The following SPRED2 variants were observed in gnomAD, a reference collection of about 807,000 sequenced individuals.
SPRED2 encodes the protein sprouty-related, EVH1 domain-containing protein 2.
Under a neutral mutation model 43.0 loss-of-function variants are expected in SPRED2, and 47 were observed. The ratio of observed to expected loss-of-function variants is 1.09; its 90% CI spans 0.87 to 1.40. The LOEUF (loss-of-function observed/expected upper bound fraction) is 1.40. Ranked by LOEUF, SPRED2 falls within the 40% of genes most tolerant of loss-of-function variation. The pLI, the probability that SPRED2 is intolerant of heterozygous loss-of-function variation, is 0.00. For missense variants in SPRED2, 561 were observed against 586.4 expected (o/e 0.96, Z 0.45); for synonymous variants, 225 against 225.7 (o/e 1.00, Z 0.03).
chr2:65,378,086 A>C (rs2118305), intron 1 of SPRED2: 52,455 of 185,026 alleles, frequency 0.28, 9,215 homozygotes, highest in East Asian at 0.69. Context: ...AGCTGAGCCA[A>C]ATTCCATTGA....
rs570248863 is a variant in SPRED2, at chr2:65,312,025, G to A, written c.*1476C>T. The A allele has an allele frequency of 3.5e-5, 34 of 985,406 alleles. No homozygotes were observed. The highest frequency in any genetic ancestry group is 6.1e-5 in the Admixed American group (1 of 16,288). The allele number at this position is 985,406 out of a possible 1,614,324, so 61.0% of individuals were successfully genotyped here. On this transcript the variant is annotated 3_prime_UTR_variant, in exon 6 of 6. Transcript: ENST00000356388. ...AGCCGGCGTCCGCAAGCCTGTCCCC[G>A]GTGGTCTCCACGAGGTTCTGATTGT...
chr2:65,330,029 G>A (rs1039767), intron 4 of SPRED2, among the ~76,000 whole-genome samples: 20,159 of 152,084 alleles, frequency 0.13, 1,633 homozygotes, highest in Middle Eastern at 0.22. Context: ...CTTGAACCCC[G>A]TTCAAATGCA....
At chr2:65,362,308 C>T (rs185482329) in intron 1 of SPRED2, among the ~76,000 whole-genome samples, 31 of 152,046 alleles carry the variant, frequency 2.0e-4, no homozygotes, top group African/African-American at 6.0e-4. Context: ...CTCACTCTGT[C>T]GCCCAGGCTG....
intron 1 of SPRED2, among the ~76,000 whole-genome samples, chr2:65,412,950 G>A (rs559541249): frequency 6.6e-6 from 1 of 152,220 alleles, no homozygotes; most frequent in African/African-American, 2.4e-5. Context: ...GACCTATTAT[G>A]GTTACAATTT....
intron 1 of SPRED2, among the ~76,000 whole-genome samples, chr2:65,356,532 CCCTCTTTTTTTTTT>C (rs1674653991): frequency 3.8e-5 from 2 of 52,484 alleles, no homozygotes; most frequent in Non-Finnish European, 8.2e-5. Flanking sequence ...TTCCCCAGTT[CCCTCTTTTTTTTTT>C]TTTTTTTTTT....
intron 1 of SPRED2, among the ~76,000 whole-genome samples, chr2:65,400,273 C>T (rs1295417781): frequency 1.3e-5 from 2 of 152,094 alleles, no homozygotes; most frequent in Non-Finnish European, 2.9e-5. Flanking sequence ...CTGGAATAGT[C>T]CATGGTTATA....
At chr2:65,369,691 G>T (rs1252727775) in intron 1 of SPRED2, among the ~76,000 whole-genome samples, 1 of 5,736 alleles carries the variant, frequency 1.7e-4, no homozygotes, top group Non-Finnish European at 3.8e-4. Context: ...TTAGAGGTAG[G>T]GAAACAGCAG....
chr2:65,379,961 G>A (rs1247873198), intron 1 of SPRED2, among the ~76,000 whole-genome samples: 1 of 152,204 alleles, frequency 6.6e-6, no homozygotes, highest in Non-Finnish European at 1.5e-5. Context: ...GCTGGGTGTT[G>A]CTTTCCAGCT....
At chr2:65,415,843 G>A (rs1395037451) in intron 1 of SPRED2, among the ~76,000 whole-genome samples, 1 of 151,968 alleles carries the variant, frequency 6.6e-6, no homozygotes, top group African/African-American at 2.4e-5. Context: ...TGCCTCCCTG[G>A]GAGGTTATTG....
At chr2:65,375,300 C>T (rs1047145819) in intron 1 of SPRED2, among the ~76,000 whole-genome samples, 2 of 152,238 alleles carry the variant, frequency 1.3e-5, no homozygotes, top group Non-Finnish European at 1.5e-5. Context: ...GAGGAAGAGG[C>T]GAAGGCTTGT....
rs1306616109 is a variant in SPRED2, at chr2:65,360,605, G to A, written c.27-15709C>T. Reference sequence around the variant, plus strand: ...TGCATGATTTGTTCCGCTTACACCAGCTATCTAAATGTGACTAGTCAAAGT... The same window carrying A: ...TGCATGATTTGTTCCGCTTACACCAACTATCTAAATGTGACTAGTCAAAGT... On this transcript the variant is annotated intron_variant, in intron 1 of 5. Transcript: ENST00000356388. 2.6e-5 allele frequency among the ~76,000 whole-genome samples: 4 copies of A among 152,184 alleles called. 1 individual carries two copies. In the South Asian group the frequency reaches 8.3e-4, roughly 32 times the overall value.
intron 1 of SPRED2, among the ~76,000 whole-genome samples, chr2:65,369,964 C>G (rs900395266): frequency 6.6e-6 from 1 of 152,238 alleles, no homozygotes; most frequent in Non-Finnish European, 1.5e-5. Flanking sequence ...AGAAGCAAAA[C>G]TAGCTGTAAC....
At chr2:65,339,852 G>C (rs1002549710) in intron 2 of SPRED2, among the ~76,000 whole-genome samples, 1 of 151,810 alleles carries the variant, frequency 6.6e-6, no homozygotes, top group Non-Finnish European at 1.5e-5. Context: ...TATCAAAGAA[G>C]AATATCTACA....
intron 1 of SPRED2, among the ~76,000 whole-genome samples, chr2:65,376,515 G>A (rs908932235): frequency 4.6e-5 from 7 of 152,124 alleles, no homozygotes; most frequent in Middle Eastern, 3.4e-3. Context: ...ATACAAAGGC[G>A]TACTCCCACC....
chr2:65,376,084 T>A (rs1675230022), intron 1 of SPRED2, among the ~76,000 whole-genome samples: 1 of 152,186 alleles, frequency 6.6e-6, no homozygotes, highest in Non-Finnish European at 1.5e-5. Context: ...TTGTGCTCCC[T>A]ATCCTCCCAC....
chr2:65,361,392 C>T (rs1674810787), intron 1 of SPRED2, among the ~76,000 whole-genome samples: 1 of 152,182 alleles, frequency 6.6e-6, no homozygotes, highest in Admixed American at 6.5e-5. Context: ...AAAATCATTT[C>T]AAAGAAGAAC....
intron 3 of SPRED2, chr2:65,334,244 C>A (rs567214560): frequency 2.7e-5 from 13 of 474,128 alleles, no homozygotes; most frequent in Non-Finnish European, 4.4e-5. Context: ...CTTCTGGGCC[C>A]GCCAGAATCC....
rs1439543638 is a variant in SPRED2, at chr2:65,313,505, G to A, written c.1253C>T (p.Ala418Val). The change falls in exon 6 of 6, where the codon GCG (alanine) becomes GTG (valine). Residue 418 changes from alanine (A) to valine (V), a missense_variant. Coordinates refer to ENST00000356388, the MANE Select transcript of SPRED2 (RefSeq NM_181784.3). ...RCCGGKHKAAA is the reference protein window; with the variant it reads ...RCCGGKHKAAV ...GGAGAAGGGAGGGAAACTGAGTCAC[G>A]CGGCCGCTTTGTGCTTCCCGCCACA... 12 of 1,598,424 alleles carry A rather than the reference G, an allele frequency of 7.5e-6. No individual in the cohort carries two copies. The highest frequency in any genetic ancestry group is 3.4e-5 in the South Asian group (3 of 88,290).
intron 1 of SPRED2, among the ~76,000 whole-genome samples, chr2:65,379,181 A>G (rs1675312948): frequency 6.6e-6 from 1 of 152,168 alleles, no homozygotes; most frequent in Non-Finnish European, 1.5e-5. Context: ...CTTTTTACCA[A>G]TATCAGGATT....
Sources: allele counts gnomAD v4.1 joint callset (sites outside exome capture counted in the v4.1 genomes callset), GRCh38; gene constraint gnomAD v4.1.1; transcripts MANE v1.5; gene names NCBI Gene and HGNC (gene_info 2026-07-23, HGNC 2026-07-21).